Variants in PID1 observed in about 807,000 individuals in gnomAD.
PID1 encodes PTB-containing, cubilin and LRP1-interacting protein.
Under a neutral mutation model 19.1 loss-of-function variants are expected in PID1, and 10 were observed. The observed-to-expected ratio is 0.52, with a 90% CI of 0.32 to 0.89. PID1 has a LOEUF of 0.89. PID1 is among the 40% of genes least tolerant of loss of function. The pLI is 0.03. For missense variants in PID1, 248 were observed against 285.3 expected (o/e 0.87, Z 0.94); for synonymous variants, 130 against 116.0 (o/e 1.12, Z -0.78).
intron 2 of PID1, among the ~76,000 whole-genome samples, chr2:229,084,635 C>T (rs559552443): frequency 8.5e-5 from 13 of 152,228 alleles, no homozygotes; most frequent in African/African-American, 2.6e-4. Context: ...TGAAGCAATG[C>T]GAAAGCAGCC....
chr2:229,122,148 G>T (rs1188421472), intron 2 of PID1, among the ~76,000 whole-genome samples: 1 of 152,220 alleles, frequency 6.6e-6, no homozygotes, highest in South Asian at 2.1e-4. Context: ...TGGTTGAGGC[G>T]AAGAGTTTCT....
Position 229,187,050 on chromosome 2 carries a change from C to A in PID1, c.31-31086G>T, listed in dbSNP as rs146864033. 2.0e-3 allele frequency among the ~76,000 whole-genome samples: 309 copies of A among 152,312 alleles called. 2 individuals are homozygous for A. Among genetic ancestry groups the A allele is most frequent in the African/African-American group, 7.2e-3 (300 of 41,572 alleles). ...TTTACTAAAACATAGCAAGCGTCAC[C>A]TTTGCTCCAGTTCCCAACAAGTTCC... On this transcript the variant is annotated intron_variant, in intron 1 of 2. Coordinates refer to ENST00000392055, the MANE Select transcript of PID1 (RefSeq NM_001100818.2).
chr2:229,173,142 A>C (rs1399354158), intron 1 of PID1, among the ~76,000 whole-genome samples: 3 of 152,176 alleles, frequency 2.0e-5, no homozygotes, highest in Non-Finnish European at 2.9e-5. Context: ...TTCACCAGCC[A>C]CTGCCAATCA....
At chr2:229,259,632 T>G (rs1357270814) in intron 1 of PID1, among the ~76,000 whole-genome samples, 1 of 152,258 alleles carries the variant, frequency 6.6e-6, no homozygotes, top group Non-Finnish European at 1.5e-5. Context: ...TATCTGGGTT[T>G]GTTGATGTTT....
At chr2:229,212,860 C>A (rs558925726) in intron 1 of PID1, among the ~76,000 whole-genome samples, 49 of 152,198 alleles carry the variant, frequency 3.2e-4, no homozygotes, top group African/African-American at 1.2e-3. Flanking sequence ...AGATTCCAGC[C>A]ATTCTCCTGT....
intron 1 of PID1, among the ~76,000 whole-genome samples, chr2:229,213,629 G>C (rs1238744792): frequency 6.6e-6 from 1 of 152,150 alleles, no homozygotes; most frequent in Non-Finnish European, 1.5e-5. Flanking sequence ...TCCATTTTAT[G>C]ATCAGTCCCT....
intron 1 of PID1, among the ~76,000 whole-genome samples, chr2:229,224,519 T>C (rs1186142150): frequency 2.0e-5 from 3 of 152,216 alleles, no homozygotes; most frequent in African/African-American, 7.2e-5. Flanking sequence ...TATAAATTTT[T>C]AATTAACTTT....
intron 1 of PID1, among the ~76,000 whole-genome samples, chr2:229,184,496 A>G (rs182950088): frequency 0.84 from 9,003 of 10,754 alleles, 4,274 homozygotes; most frequent in South Asian, 0.98. Flanking sequence ...TATATACCGT[A>G]TATATATATA....
intron 2 of PID1, among the ~76,000 whole-genome samples, chr2:229,141,876 G>A (rs897179852): frequency 2.6e-5 from 3 of 114,174 alleles, no homozygotes; most frequent in African/African-American, 1.1e-4. Context: ...AGAAACGAAT[G>A]TATATTTTCA....
chr2:229,096,597 G>A (rs1358526768), intron 2 of PID1, among the ~76,000 whole-genome samples: 2 of 152,014 alleles, frequency 1.3e-5, no homozygotes, highest in African/African-American at 4.8e-5. Context: ...TGAATTATTG[G>A]TCTTTCCCTT....
chr2:229,040,487 T>C (rs986596353), intron 2 of PID1, among the ~76,000 whole-genome samples: 3 of 152,082 alleles, frequency 2.0e-5, no homozygotes, highest in South Asian at 2.1e-4. Flanking sequence ...GTTAAAATAA[T>C]GGGGATGTGG....
chr2:229,127,683 A>G (rs1695651408), intron 2 of PID1, among the ~76,000 whole-genome samples: 1 of 152,206 alleles, frequency 6.6e-6, no homozygotes, highest in South Asian at 2.1e-4. Flanking sequence ...ACTAGATGCC[A>G]TTAATACTTC....
At chr2:229,090,633 T>C (rs1337552528) in intron 2 of PID1, among the ~76,000 whole-genome samples, 2 of 152,220 alleles carry the variant, frequency 1.3e-5, no homozygotes, top group East Asian at 3.9e-4. Flanking sequence ...CCCTGTCTTA[T>C]ATCCCATAGT....
intron 2 of PID1, among the ~76,000 whole-genome samples, chr2:229,091,203 GAATT>G (rs1694868950): frequency 6.6e-6 from 1 of 151,878 alleles, no homozygotes; most frequent in African/African-American, 2.4e-5. Context: ...TAGAAAATAA[GAATT>G]AAATTATTTT....
At chr2:229,161,239 T>A (rs1690487058) in intron 1 of PID1, among the ~76,000 whole-genome samples, 1 of 152,086 alleles carries the variant, frequency 6.6e-6, no homozygotes, top group African/African-American at 2.4e-5. Context: ...TCCTTCCCAA[T>A]CGAAGTCAGC....
chr2:229,026,444 A>G (rs1372934010), intron 2 of PID1, among the ~76,000 whole-genome samples: 1 of 152,246 alleles, frequency 6.6e-6, no homozygotes, highest in African/African-American at 2.4e-5. Context: ...TTAACATCAT[A>G]AAGTCACTCA....
chr2:229,207,581 T>A (rs1413725926), intron 1 of PID1, among the ~76,000 whole-genome samples: 2 of 150,826 alleles, frequency 1.3e-5, no homozygotes, highest in African/African-American at 4.9e-5. Context: ...CTTACCTATT[T>A]ATCTGTAGGC....
intron 1 of PID1, among the ~76,000 whole-genome samples, chr2:229,205,462 A>C (rs745794237): frequency 6.6e-6 from 1 of 152,168 alleles, no homozygotes; most frequent in African/African-American, 2.4e-5. Context: ...ATTAAAATAC[A>C]CTTCAAAAAG....
chr2:229,133,582 C>T (rs1473390853), intron 2 of PID1, among the ~76,000 whole-genome samples: 2 of 152,172 alleles, frequency 1.3e-5, no homozygotes, highest in African/African-American at 4.8e-5. Context: ...TCAAATCCTT[C>T]GATAATTAGG....
Sources: gnomAD v4.1 joint callset for allele counts (sites outside exome capture counted in the v4.1 genomes callset) on GRCh38, gnomAD v4.1.1 for gene constraint, MANE v1.5 for transcripts, NCBI Gene and HGNC (gene_info 2026-07-23, HGNC 2026-07-21) for gene names.